The following COG5 variants were observed in gnomAD, a reference collection of about 807,000 sequenced individuals.
COG5 encodes component of oligomeric golgi complex 5.
Under a neutral mutation model 110.4 loss-of-function variants are expected in COG5, and 86 were observed. That is an observed-to-expected ratio of 0.78 (90% CI 0.65 to 0.93). COG5 has a LOEUF of 0.93. Among genes scored for constraint, COG5 ranks in the 40% least tolerant of loss-of-function variants. COG5 has a pLI of 0.00. For synonymous variants in COG5, 360 were observed against 334.6 expected (o/e 1.08, Z -0.83); for missense variants, 1,077 against 987.0 (o/e 1.09, Z -1.22).
intron 16 of COG5, among the ~76,000 whole-genome samples, chr7:107,256,115 T>A (rs1192695782): frequency 1.3e-5 from 2 of 152,178 alleles, no homozygotes; most frequent in Non-Finnish European, 2.9e-5. Flanking sequence ...CATACCATTA[T>A]TGTTTATGCA....
chr7:107,466,795 A>C (rs1162517864), intron 6 of COG5, among the ~76,000 whole-genome samples: 1 of 152,230 alleles, frequency 6.6e-6, no homozygotes, highest in Non-Finnish European at 1.5e-5. Context: ...GTATCCACTG[A>C]AAAAGGACCC....
intron 5 of COG5, among the ~76,000 whole-genome samples, chr7:107,533,224 A>G (rs1801338841): frequency 6.7e-6 from 1 of 149,342 alleles, no homozygotes; most frequent in Admixed American, 6.7e-5. Context: ...ACCAGCACAA[A>G]AAGGCTGAAA....
chr7:107,419,959 C>G (rs1793163356), intron 6 of COG5, among the ~76,000 whole-genome samples: 1 of 152,130 alleles, frequency 6.6e-6, no homozygotes, highest in Admixed American at 6.5e-5. Flanking sequence ...ATTTGAAAAC[C>G]TATTAAACCT....
At chr7:107,354,228 TAATTTA>T (rs1379436113) in intron 10 of COG5, among the ~76,000 whole-genome samples, 1 of 152,232 alleles carries the variant, frequency 6.6e-6, no homozygotes, top group East Asian at 1.9e-4. Flanking sequence ...GCATGATCAA[TAATTTA>T]AATTTCTGAT....
chr7:107,405,421 C>A (rs1195090369), intron 7 of COG5, among the ~76,000 whole-genome samples: 1 of 152,290 alleles, frequency 6.6e-6, no homozygotes, highest in Non-Finnish European at 1.5e-5. Context: ...CAGGCTCTTT[C>A]TACTACGACA....
At chr7:107,360,299 C>T (rs1164308865) in intron 10 of COG5, among the ~76,000 whole-genome samples, 1 of 152,216 alleles carries the variant, frequency 6.6e-6, no homozygotes, top group East Asian at 1.9e-4. Context: ...TTGGGTCTGC[C>T]ACTCAGTGAA....
chr7:107,258,160 C>CAATTTTATAATAAT, intron 15 of COG5, 113 bp downstream of exon 15: 1 of 683,376 alleles, frequency 1.5e-6, no homozygotes, highest in Non-Finnish European at 2.6e-6. Flanking sequence ...TTATAATCAT[C>CAATTTTATAATAAT]ACATTTTCAT....
chr7:107,268,509 T>TA (rs1295296373), intron 14 of COG5, among the ~76,000 whole-genome samples: 1 of 152,218 alleles, frequency 6.6e-6, no homozygotes, highest in Non-Finnish European at 1.5e-5. Context: ...TAAATGGCTA[T>TA]AAGTGTTTGA....
At chr7:107,371,297 T>C (rs895225296) in intron 8 of COG5, among the ~76,000 whole-genome samples, 6 of 152,122 alleles carry the variant, frequency 3.9e-5, no homozygotes, top group African/African-American at 1.4e-4. Flanking sequence ...ATAGCAAATA[T>C]AAAAATAATA....
chr7:107,554,939 G>A (rs1485243755), intron 2 of COG5, among the ~76,000 whole-genome samples: 2 of 152,130 alleles, frequency 1.3e-5, no homozygotes, highest in Non-Finnish European at 2.9e-5. Flanking sequence ...ATGTACAAGT[G>A]GAGTTGTGCC....
intron 19 of COG5, among the ~76,000 whole-genome samples, chr7:107,218,713 A>C (rs1799693638): frequency 6.6e-6 from 1 of 152,028 alleles, no homozygotes; most frequent in Non-Finnish European, 1.5e-5. Context: ...AAACGGATAA[A>C]AGTCAAGGTG....
chr7:107,362,533 T>C (rs1452544349), intron 8 of COG5, 113 bp from the exon 9 acceptor site: 2 of 705,056 alleles, frequency 2.8e-6, no homozygotes, highest in East Asian at 5.4e-5. Flanking sequence ...GTTCCTTCTT[T>C]AGGAAATAAT....
chr7:107,300,199 G>A lies in COG5; in HGVS notation c.1109-1853C>T, dbSNP rs1040922562. 1.2e-3 allele frequency among the ~76,000 whole-genome samples: 188 copies of A among 151,816 alleles called. 4 individuals carry two copies. Among genetic ancestry groups the A allele is most frequent in the Admixed American group, 0.012 (186 of 15,228 alleles). On this transcript the variant is annotated intron_variant, in intron 11 of 21. Coordinates refer to ENST00000297135, the MANE Select transcript of COG5 (RefSeq NM_006348.5). ...GAACACACCCTTAACCTAATAAAAGGCATCTATGAAAAACTACAGCTAATA... is the reference window on the plus strand; with the variant it reads ...GAACACACCCTTAACCTAATAAAAGACATCTATGAAAAACTACAGCTAATA...
intron 11 of COG5, among the ~76,000 whole-genome samples, chr7:107,311,082 G>A (rs1329507747): frequency 4.6e-5 from 7 of 152,144 alleles, no homozygotes; most frequent in African/African-American, 1.4e-4. Context: ...ATAGCCCGGC[G>A]AATGTCTGTT....
At chr7:107,498,426 T>C (rs377603918) in intron 6 of COG5, among the ~76,000 whole-genome samples, 7 of 152,142 alleles carry the variant, frequency 4.6e-5, no homozygotes, top group South Asian at 2.1e-4. Context: ...TACAACTCGA[T>C]AGCAAAAATA....
At chr7:107,215,422 C>T (rs1390163065) in intron 19 of COG5, among the ~76,000 whole-genome samples, 2 of 152,010 alleles carry the variant, frequency 1.3e-5, no homozygotes, top group African/African-American at 4.8e-5. Context: ...AATCCCAGCA[C>T]TTTGGGAGGC....
Position 107,244,335 on chromosome 7 carries a change from A to G in COG5, c.1853+4061T>C, listed in dbSNP as rs116254689. Among the ~76,000 whole-genome samples, 816 of 152,318 alleles carry G rather than the reference A, an allele frequency of 5.4e-3. 9 individuals are homozygous for G. The highest frequency in any genetic ancestry group is 0.019 in the African/African-American group (795 of 41,566). The stretch of plus-strand genomic sequence containing the variant: ...CTGGGACACAGCTAAGGCACTGTTA[A>G]GAGGAAAATTCATAGCACTAAATGC... On this transcript the variant is annotated intron_variant, in intron 17 of 21. Coordinates refer to ENST00000297135, the MANE Select transcript of COG5 (RefSeq NM_006348.5).
rs1316775327 is a variant in COG5 at position 107,203,600 on chromosome 7, C to G, written c.2406G>C (p.Val802=). 1.2e-6 allele frequency: 2 copies of G among 1,614,022 alleles called. No homozygotes were observed. The highest frequency in any genetic ancestry group is 4.5e-5 in the East Asian group (2 of 44,858). The part of the protein sequence containing the change: ...RGALEAYVQS[V]RSREGKEFAP... ...CAAATTCTTTGCCTTCTCTACTTCTCACTGATTGAACATAAGCTTCCAGGG... is the reference window on the plus strand; with the variant it reads ...CAAATTCTTTGCCTTCTCTACTTCTGACTGATTGAACATAAGCTTCCAGGG... Residue 802 remains valine (V), a synonymous_variant, in exon 22 of 22, where the codon GTG becomes GTC. Coordinates refer to ENST00000297135, the MANE Select transcript of COG5 (RefSeq NM_006348.5).
intron 1 of COG5, among the ~76,000 whole-genome samples, chr7:107,561,134 T>C (rs11532774): frequency 0.13 from 19,106 of 152,282 alleles, 1,505 homozygotes; most frequent in Non-Finnish European, 0.17. Context: ...CACAACGGGA[T>C]GTGGCATTTG....
Sources: gnomAD v4.1 joint callset for allele counts (sites outside exome capture counted in the v4.1 genomes callset) on GRCh38, gnomAD v4.1.1 for gene constraint, MANE v1.5 for transcripts, NCBI Gene and HGNC (gene_info 2026-07-23, HGNC 2026-07-21) for gene names.